Variants in OGDHL observed in about 807,000 individuals in gnomAD.
OGDHL encodes oxoglutarate dehydrogenase L, also known as 2-oxoglutarate dehydrogenase-like, mitochondrial.
In OGDHL, 79 loss-of-function variants were observed where a neutral mutation model predicts 109.6. That is an observed-to-expected ratio of 0.72 (90% CI 0.60 to 0.87). The LOEUF is 0.87. Ranked by LOEUF, OGDHL falls within the 40% of genes least tolerant of loss-of-function variation. The probability of loss-of-function intolerance (pLI) is 0.00; values close to 1 mark genes in which losing one functional copy is unlikely to be tolerated. For synonymous variants in OGDHL, 528 were observed against 537.2 expected, an observed-to-expected ratio of 0.98 and a Z score of 0.24; for missense variants, 1,275 against 1,362.2, an observed-to-expected ratio of 0.94 and a Z score of 1.01.
chr10:49,755,851 A>G (rs1311538170), intron 3 of OGDHL, among the ~76,000 whole-genome samples: 1 of 152,168 alleles, frequency 6.6e-6, no homozygotes, highest in African/African-American at 2.4e-5. Flanking sequence ...CTTGTTCTTC[A>G]TTTTTGAAGT....
rs529977826 is a variant in OGDHL, at chr10:49,740,015, GAC to G, written c.2141-178_2141-177del. 7.9e-5 allele frequency among the ~76,000 whole-genome samples: 12 copies of G among 152,296 alleles called. 1 individual carries two copies. In the South Asian group the frequency reaches 2.5e-3, roughly 32 times the overall value. On this transcript the variant is annotated intron_variant, in intron 16 of 22. Transcript: ENST00000374103. ...GGTACAATGTACCATCCTGGGGGCTGACAACATGCTCAGAGATGCTACCCTCA... is the reference window on the plus strand; with the variant it reads ...GGTACAATGTACCATCCTGGGGGCTGAACATGCTCAGAGATGCTACCCTCA...
intron 22 of OGDHL, 68 bp from the exon 23 acceptor site, chr10:49,735,419 C>A: frequency 6.4e-7 from 1 of 1,568,752 alleles, no homozygotes. Context: ...GCCCTCACTC[C>A]GGGACTGCAG....
intron 1 of OGDHL, among the ~76,000 whole-genome samples, chr10:49,759,648 T>C (rs935252242): frequency 1.3e-5 from 2 of 152,072 alleles, no homozygotes; most frequent in Non-Finnish European, 2.9e-5. Context: ...ACACATGATG[T>C]GTAAAGTGGG....
At position 49,736,480 on chromosome 10, in the gene OGDHL, T is replaced by C. The variant is rs1482395898; in HGVS notation, c.2631A>G (p.Ala877=). 1.2e-6 allele frequency: 2 copies of C among 1,613,660 alleles called. No individual in the cohort carries two copies. The highest frequency in any genetic ancestry group is 1.7e-6 in the Non-Finnish European group (2 of 1,180,004). The change falls in exon 21 of 23, where the codon GCA becomes GCG. Residue 877 remains alanine, a synonymous_variant. Transcript: ENST00000374103. ...GCTGCACCTGCTCAGGGGCCCGTGC[T>C]GCGGCCCCATCTTCAGGAATCACCC... The part of the protein sequence containing the change: ...FQRVIPEDGA[A]ARAPEQVQRL...
intron 16 of OGDHL, 152 bp downstream of exon 16, chr10:49,740,558 G>T: frequency 1.0e-6 from 1 of 954,884 alleles, no homozygotes; most frequent in Non-Finnish European, 1.5e-6. Context: ...CCTTAGGTGA[G>T]GGCAGCCCAA....
At chr10:49,743,443 T>A (rs1248703378) in intron 14 of OGDHL, 1 of 174,580 alleles carries the variant, frequency 5.7e-6, no homozygotes, top group Non-Finnish European at 1.2e-5. Flanking sequence ...CCCAGGTGGG[T>A]CAGAGGGTGT....
intron 15 of OGDHL, 92 bp downstream of exon 15, chr10:49,742,736 C>G: frequency 6.8e-7 from 1 of 1,462,042 alleles, no homozygotes; most frequent in Non-Finnish European, 9.1e-7. Context: ...TGTGAAGATC[C>G]CACCCCAACA....
chr10:49,749,175 C>T (rs1221333321), intron 8 of OGDHL, among the ~76,000 whole-genome samples: 2 of 152,114 alleles, frequency 1.3e-5, no homozygotes, highest in African/African-American at 2.4e-5. Flanking sequence ...TGCCATTGCA[C>T]TCCAGCCTGG....
chr10:49,740,298 CA>C (rs1289798432), intron 16 of OGDHL, among the ~76,000 whole-genome samples: 2 of 152,020 alleles, frequency 1.3e-5, no homozygotes, highest in East Asian at 3.9e-4. Context: ...GCCCAGAGCC[CA>C]GAGAAGGGAT....
At chr10:49,736,293 C>T in intron 21 of OGDHL, 64 bp downstream of exon 21, 1 of 1,598,674 alleles carries the variant, frequency 6.3e-7, no homozygotes, top group Non-Finnish European at 8.5e-7. Context: ...GGCACATTGG[C>T]CAGAGCCGGG....
rs1434268066 is a variant in OGDHL, at chr10:49,758,517, C to G, written c.76G>C (p.Val26Leu). 1.2e-6 allele frequency: 2 copies of G among 1,613,808 alleles called. No individual in the cohort carries two copies. Among genetic ancestry groups the G allele is most frequent in the East Asian group, 2.2e-5 (1 of 44,882 alleles). ...ARLLAAHDVP[V>L]FGWRSRSSGP... ...GAGGACCTGCTGCGCCAGCCAAACA[C>G]CGGGACGTCATGTGCAGCCAGGAGC... The change falls in exon 2 of 23, where the codon GTG (valine) becomes CTG (leucine). Residue 26 changes from valine to leucine, a missense_variant. Physicochemically the swap from Val to Leu is conservative, Grantham distance 32. Transcript: ENST00000374103.
At chr10:49,759,683 G>A (rs1179507691) in intron 1 of OGDHL, among the ~76,000 whole-genome samples, 1 of 152,082 alleles carries the variant, frequency 6.6e-6, no homozygotes, top group East Asian at 1.9e-4. Flanking sequence ...CCCTACAACT[G>A]TGAGCAGAAC....
At chr10:49,758,929 C>G (rs998406217) in intron 1 of OGDHL, among the ~76,000 whole-genome samples, 11 of 151,922 alleles carry the variant, frequency 7.2e-5, no homozygotes, top group African/African-American at 2.4e-4. Flanking sequence ...CAGGGAGCAC[C>G]CACCTAGGTC....
At chr10:49,740,190 G>A (rs1190301714) in intron 16 of OGDHL, among the ~76,000 whole-genome samples, 1 of 152,168 alleles carries the variant, frequency 6.6e-6, no homozygotes, top group African/African-American at 2.4e-5. Context: ...CCTGGGGGCG[G>A]GGGGCTGCCT....
chr10:49,743,107 C>G, intron 14 of OGDHL, 129 bp from the exon 15 acceptor site: 1 of 1,238,688 alleles, frequency 8.1e-7, no homozygotes, highest in South Asian at 1.5e-5. Context: ...GGCAGGGATG[C>G]TGCAGGAGGG....
At position 49,744,739 on chromosome 10, in the gene OGDHL, T is replaced by C. The variant is rs771824924; in HGVS notation, c.1643A>G (p.Lys548Arg). 1.1e-5 allele frequency: 18 copies of C among 1,614,190 alleles called. No homozygotes were observed. In the East Asian group the frequency reaches 1.6e-4, roughly 14 times the overall value. Residue 548 changes from lysine to arginine, a missense_variant, in exon 13 of 23, where the codon AAA becomes AGA. Lys to Arg is a conservative substitution (Grantham distance 26, BLOSUM62 2). Transcript: ENST00000374103. ...TLQEFEEEIA[K>R]YDRICEEAYG... ...AGCCTCCTCACAGATCCGGTCGTAT[T>C]TGGCAATTTCTTCCTGGAATCAGGA...
At position 49,737,940 on chromosome 10, in the gene OGDHL, G is replaced by T. The variant is rs764526142; in HGVS notation, c.2517+7C>A. 1.9e-6 allele frequency: 3 copies of T among 1,614,156 alleles called. No individual in the cohort carries two copies. The South Asian group carries it at 3.3e-5, about 18-fold the overall frequency. ...CCTGTGACCCCTGCCCTGGGACGGA[G>T]ACTCACCGGCTTGCGGAAGGGCAGC... On this transcript the variant is annotated splice_region_variant and intron_variant, in intron 19 of 22. Transcript: ENST00000374103.
Position 49,734,932 on chromosome 10 carries a change from T to C in OGDHL, c.*296A>G. The C allele has an allele frequency of 4.3e-6, 1 of 231,554 alleles. No individual in the cohort carries two copies. The allele number at this position is 231,554 out of a possible 1,614,324, so 14.3% of individuals were successfully genotyped here. ...GGCCACAGACACAGGCCCCCGGGTG[T>C]CTGTCTTGAGATACAGGTGGAGAAG... On this transcript the variant is annotated 3_prime_UTR_variant, in exon 23 of 23. Transcript: ENST00000374103.
intron 8 of OGDHL, among the ~76,000 whole-genome samples, chr10:49,747,714 G>A (rs527343789): frequency 1.3e-5 from 2 of 152,224 alleles, no homozygotes; most frequent in African/African-American, 4.8e-5. Context: ...TTGCCATGGG[G>A]GAGCAAACCC....
Sources: allele counts gnomAD v4.1 joint callset (sites outside exome capture counted in the v4.1 genomes callset), GRCh38; gene constraint gnomAD v4.1.1; transcripts MANE v1.5; gene names NCBI Gene and HGNC (gene_info 2026-07-23, HGNC 2026-07-21).